CFAP221: variants seen among roughly 807,000 people sequenced by gnomAD.
CFAP221 encodes cilia and flagella associated protein 221, also known as cilia- and flagella-associated protein 221.
CFAP221 carries 97 observed loss-of-function variants against 113.1 expected under a neutral mutation model. The observed-to-expected ratio is 0.86, with a 90% confidence interval of 0.73 to 1.02. The LOEUF (loss-of-function observed/expected upper bound fraction) is 1.02. Among genes scored for constraint, CFAP221 ranks in the 50% least tolerant of loss-of-function variants. CFAP221 has a pLI of 0.00. For synonymous variants in CFAP221, 331 were observed against 354.4 expected, an observed-to-expected ratio of 0.93 and a Z score of 0.74; for missense variants, 1,025 against 1,013.4, an observed-to-expected ratio of 1.01 and a Z score of -0.16.
rs1158407995 is a variant in CFAP221 at position 119,625,576 on chromosome 2, A to G, written c.1411-7A>G. 4.4e-6 allele frequency: 7 copies of G among 1,603,974 alleles called. No homozygotes were observed. The highest frequency in any genetic ancestry group is 6.0e-6 in the Non-Finnish European group (7 of 1,171,038). On this transcript the variant is annotated splice_polypyrimidine_tract_variant and splice_region_variant and intron_variant, in intron 14 of 23. Transcript: ENST00000413369. ...TAATTTGAAATCATTATCCACTCCA[A>G]TTTCAGGTCATGATTCAGGGACGAT...
rs886925094 is a variant in CFAP221 at position 119,640,180 on chromosome 2, G to A, written c.2225+308G>A. ...AATCTTTTTAAAATTCATAAATTGC[G>A]GCCTGGGTGACAGAGAGAGACTCCA... On this transcript the variant is annotated intron_variant, in intron 21 of 23. Coordinates refer to ENST00000413369, the MANE Select transcript of CFAP221 (RefSeq NM_001271049.2). Among the ~76,000 whole-genome samples the A allele has an allele frequency of 7.3e-5, 11 of 150,396 alleles. No homozygotes were observed. In the East Asian group the frequency reaches 7.8e-4, roughly 11 times the overall value.
intron 7 of CFAP221, among the ~76,000 whole-genome samples, chr2:119,595,081 T>A (rs1009288699): frequency 3.9e-5 from 6 of 152,234 alleles, no homozygotes; most frequent in Non-Finnish European, 8.8e-5. Context: ...ACCAGGTCAC[T>A]TTCAGCGCCT....
chr2:119,587,588 C>T (rs569917481), intron 7 of CFAP221, among the ~76,000 whole-genome samples: 3 of 152,252 alleles, frequency 2.0e-5, no homozygotes, highest in African/African-American at 7.2e-5. Flanking sequence ...GAATTTGTCT[C>T]ATTTGTGGTG....
chr2:119,573,662 C>A (rs1682227915), intron 6 of CFAP221, among the ~76,000 whole-genome samples: 1 of 152,204 alleles, frequency 6.6e-6, no homozygotes, highest in Non-Finnish European at 1.5e-5. Context: ...TGCCACTGCA[C>A]TCTAGCCTGC....
intron 6 of CFAP221, among the ~76,000 whole-genome samples, chr2:119,579,560 A>G (rs1412907888): frequency 1.3e-5 from 2 of 152,184 alleles, no homozygotes; most frequent in African/African-American, 4.8e-5. Context: ...AGTGAAAGCA[A>G]AAGTTCAGCA....
intron 19 of CFAP221, 111 bp from the exon 20 acceptor site, chr2:119,638,146 TCA>T (rs1419298191): frequency 1.8e-6 from 2 of 1,100,802 alleles, no homozygotes; most frequent in Non-Finnish European, 2.7e-6. Flanking sequence ...TGACATGGAG[TCA>T]CAGAGTGTTA....
intron 6 of CFAP221, among the ~76,000 whole-genome samples, chr2:119,568,077 A>T (rs983262946): frequency 1.4e-4 from 21 of 152,064 alleles, no homozygotes; most frequent in Admixed American, 9.8e-4. Context: ...AAATAATCCT[A>T]ATTTCTTCCT....
At chr2:119,628,227 G>A (rs1485853241) in intron 16 of CFAP221, among the ~76,000 whole-genome samples, 3 of 150,868 alleles carry the variant, frequency 2.0e-5, no homozygotes, top group African/African-American at 7.3e-5. Flanking sequence ...AGGGAATGTG[G>A]CCCCAGAAAC....
intron 21 of CFAP221, among the ~76,000 whole-genome samples, chr2:119,643,640 G>A (rs1402919389): frequency 6.6e-6 from 1 of 152,126 alleles, no homozygotes; most frequent in Non-Finnish European, 1.5e-5. Context: ...CGCCTCCCAG[G>A]TTCAAGCGAT....
At chr2:119,561,711 TC>T (rs1399611822) in intron 5 of CFAP221, among the ~76,000 whole-genome samples, 1 of 150,642 alleles carries the variant, frequency 6.6e-6, no homozygotes, top group East Asian at 1.9e-4. Flanking sequence ...AGACTGTGTT[TC>T]TTTATAATTT....
intron 19 of CFAP221, among the ~76,000 whole-genome samples, chr2:119,631,489 A>G (rs530995806): frequency 6.6e-6 from 1 of 152,306 alleles, no homozygotes; most frequent in Admixed American, 6.5e-5. Context: ...CCTGGCCAAC[A>G]TGGTGAAACC....
chr2:119,549,053 T>C (rs997524383), intron 2 of CFAP221, 32 bp from the exon 3 acceptor site: 6 of 1,376,118 alleles, frequency 4.4e-6, no homozygotes, highest in Non-Finnish European at 3.9e-6. Flanking sequence ...CTTTGATGTC[T>C]CATGATGTGC....
At chr2:119,641,937 TACCG>T (rs1687518241) in intron 21 of CFAP221, among the ~76,000 whole-genome samples, 1 of 152,186 alleles carries the variant, frequency 6.6e-6, no homozygotes, top group African/African-American at 2.4e-5. Flanking sequence ...TGTCAGCGTG[TACCG>T]TTCTTGAGAA....
chr2:119,598,053 C>T (rs955833697), intron 7 of CFAP221, among the ~76,000 whole-genome samples: 1 of 152,152 alleles, frequency 6.6e-6, no homozygotes, highest in Non-Finnish European at 1.5e-5. Context: ...GCCTCAATAA[C>T]ACCTTAAGTA....
At chr2:119,573,712 TA>T (rs1682231936) in intron 6 of CFAP221, among the ~76,000 whole-genome samples, 1 of 152,180 alleles carries the variant, frequency 6.6e-6, no homozygotes. Context: ...AAAGAATTTT[TA>T]AAAAGCCTAA....
rs1295134410 is a variant in CFAP221, at chr2:119,639,887, T to C, written c.2225+15T>C. The C allele has an allele frequency of 6.2e-7, 1 of 1,605,744 alleles. No individual in the cohort carries two copies. Among genetic ancestry groups the C allele is most frequent in the Non-Finnish European group, 8.5e-7 (1 of 1,172,590 alleles). ...ACCACAAAGAGGTAAGCACAGCTCA[T>C]CTGTTTGCTCACGAGTATGTGTGCC... On this transcript the variant is annotated intron_variant, in intron 21 of 23. Coordinates refer to ENST00000413369, the MANE Select transcript of CFAP221 (RefSeq NM_001271049.2).
At position 119,627,679 on chromosome 2, in the gene CFAP221, A is replaced by T; in HGVS notation, c.1543A>T (p.Arg515Trp). ...QEANFFKFFL[R>W]RISQDDYTSR... ...GGCGAATTTCTTCAAATTCTTCCTGAGGCGGATCAGTCAGGATGATTATAC... is the reference window on the plus strand; with the variant it reads ...GGCGAATTTCTTCAAATTCTTCCTGTGGCGGATCAGTCAGGATGATTATAC... The change falls in exon 16 of 24, where the codon AGG (arginine) becomes TGG (tryptophan). Residue 515 changes from arginine to tryptophan, a missense_variant. Physicochemically the swap from Arg to Trp is moderately radical, Grantham distance 101. Transcript: ENST00000413369. The T allele has an allele frequency of 1.2e-6, 2 of 1,613,704 alleles. No homozygotes were observed. Among genetic ancestry groups the T allele is most frequent in the Non-Finnish European group, 1.7e-6 (2 of 1,179,886 alleles).
intron 14 of CFAP221, among the ~76,000 whole-genome samples, chr2:119,616,410 A>T (rs1685530178): frequency 6.6e-6 from 1 of 152,192 alleles, no homozygotes; most frequent in East Asian, 1.9e-4. Flanking sequence ...TGGGATATTG[A>T]TCAGTTACTT....
chr2:119,607,014 C>T (rs1325765405), intron 11 of CFAP221, among the ~76,000 whole-genome samples: 1 of 152,164 alleles, frequency 6.6e-6, no homozygotes. Flanking sequence ...AGAACAAAGA[C>T]ATTCTCCAAC....
Sources: allele counts gnomAD v4.1 joint callset (sites outside exome capture counted in the v4.1 genomes callset), GRCh38; gene constraint gnomAD v4.1.1; transcripts MANE v1.5; gene names NCBI Gene and HGNC (gene_info 2026-07-23, HGNC 2026-07-21).